Variants in VTA1 observed in about 807,000 individuals in gnomAD.
VTA1 encodes vesicle trafficking 1, also known as vacuolar protein sorting-associated protein VTA1 homolog.
A neutral mutation model predicts 36.9 loss-of-function variants in VTA1; 24 were observed. The ratio of observed to expected loss-of-function variants is 0.65; its 90% CI spans 0.47 to 0.91. The LOEUF (loss-of-function observed/expected upper bound fraction) is 0.91, where lower values mean the gene tolerates loss of function less well. Ranked by LOEUF, VTA1 falls within the 40% of genes least tolerant of loss-of-function variation. VTA1 has a pLI of 0.00. For synonymous variants in VTA1, 142 were observed against 130.2 expected, an observed-to-expected ratio of 1.09 and a Z score of -0.62; for missense variants, 393 against 377.2, an observed-to-expected ratio of 1.04 and a Z score of -0.35.
At chr6:142,161,363 A>G (rs1208012811) in intron 1 of VTA1, among the ~76,000 whole-genome samples, 1 of 152,130 alleles carries the variant, frequency 6.6e-6, no homozygotes, top group South Asian at 2.1e-4. Flanking sequence ...TTGCTTTTAT[A>G]TCTTTTTGCG....
At chr6:142,181,858 G>GA (rs1775247316) in intron 4 of VTA1, among the ~76,000 whole-genome samples, 1 of 152,058 alleles carries the variant, frequency 6.6e-6, no homozygotes, top group Admixed American at 6.6e-5. Context: ...TAGTTGCTTT[G>GA]AAAAATATAA....
chr6:142,202,017 T>G (rs1320537099), intron 6 of VTA1, among the ~76,000 whole-genome samples: 3 of 151,924 alleles, frequency 2.0e-5, no homozygotes, highest in Non-Finnish European at 4.4e-5. Context: ...GATTGGACCA[T>G]TAGAGTATAG....
chr6:142,210,892 G>A (rs1256183116), intron 7 of VTA1, among the ~76,000 whole-genome samples: 2 of 151,698 alleles, frequency 1.3e-5, no homozygotes, highest in African/African-American at 2.4e-5. Context: ...CACTATTCAC[G>A]GTAGCCAAAA....
chr6:142,178,355 G>C (rs532067503), intron 4 of VTA1, among the ~76,000 whole-genome samples: 1 of 152,204 alleles, frequency 6.6e-6, no homozygotes, highest in African/African-American at 2.4e-5. Context: ...TCTATATACA[G>C]CAAAGCTGTG....
intron 5 of VTA1, among the ~76,000 whole-genome samples, chr6:142,195,821 T>G (rs977508018): frequency 6.6e-6 from 1 of 152,032 alleles, no homozygotes; most frequent in African/African-American, 2.4e-5. Context: ...TTCTTTAATT[T>G]CAGAATGTTT....
intron 4 of VTA1, among the ~76,000 whole-genome samples, chr6:142,174,208 G>A (rs1165878344): frequency 6.6e-6 from 1 of 152,174 alleles, no homozygotes; most frequent in African/African-American, 2.4e-5. Context: ...ACCTGTGGGA[G>A]CAGCCACAGG....
chr6:142,203,989 A>G lies in VTA1; in HGVS notation c.702A>G (p.Val234=). 1 of 1,613,250 alleles carries G rather than the reference A, an allele frequency of 6.2e-7. No homozygotes were observed. The highest frequency in any genetic ancestry group is 2.2e-5 in the East Asian group (1 of 44,794). ...TTTTGCTTTTCTGATTTGCAGGTGT[A>G]GCAAGTAATACTATCCAACCTACTC... ...TPAEVPHSTG[V]ASNTIQPTPQ... The change falls in exon 7 of 8, where the codon GTA becomes GTG. Residue 234 remains valine, a synonymous_variant. Coordinates refer to ENST00000367630, the MANE Select transcript of VTA1 (RefSeq NM_016485.5).
At chr6:142,156,814 GTTAAT>G (rs1161534464) in intron 1 of VTA1, among the ~76,000 whole-genome samples, 4 of 152,196 alleles carry the variant, frequency 2.6e-5, no homozygotes, top group Non-Finnish European at 5.9e-5. Context: ...AGTAGAAAAT[GTTAAT>G]TTAGTGTAAA....
rs1776112805 is a variant in VTA1 at position 142,221,679 on chromosome 6, G to A, written c.*3036G>A. ...AAAAGAGTATTAACAATAGGCCGGGGGCGGTGGTTCGCACCTGCAATCCCA... is the reference window on the plus strand; with the variant it reads ...AAAAGAGTATTAACAATAGGCCGGGAGCGGTGGTTCGCACCTGCAATCCCA... On this transcript the variant is annotated 3_prime_UTR_variant, in exon 8 of 8. Transcript: ENST00000367630. 6.6e-6 allele frequency: 1 copy of A among 151,688 alleles called. No individual in the cohort carries two copies. 9.4% of individuals were successfully genotyped at this position (151,688 alleles called of 1,614,324 possible). A position where few individuals can be genotyped will look rare whatever the true frequency, so the allele number is the denominator to read the frequency against.
At chr6:142,157,461 T>C (rs1349889226) in intron 1 of VTA1, among the ~76,000 whole-genome samples, 1 of 152,250 alleles carries the variant, frequency 6.6e-6, no homozygotes, top group Non-Finnish European at 1.5e-5. Context: ...TAAGTTTGTT[T>C]TTGTGAACAT....
intron 4 of VTA1, among the ~76,000 whole-genome samples, chr6:142,171,015 T>C (rs1775020460): frequency 6.6e-6 from 1 of 152,238 alleles, no homozygotes; most frequent in Admixed American, 6.5e-5. Context: ...TAGAGTTTGA[T>C]CTTACTAAGT....
intron 4 of VTA1, among the ~76,000 whole-genome samples, chr6:142,183,185 C>G (rs1447553288): frequency 1.3e-5 from 2 of 152,158 alleles, no homozygotes; most frequent in Non-Finnish European, 2.9e-5. Context: ...TAGAAGTAAT[C>G]TGTAACCTTG....
chr6:142,218,759 C>T lies in VTA1; in HGVS notation c.*116C>T, dbSNP rs1776049402. ...GAAGACTTGGTTTTGTTGAATATGA[C>T]AATGAAATCTGTGTGTATCAGATTT... On this transcript the variant is annotated 3_prime_UTR_variant, in exon 8 of 8. Coordinates refer to ENST00000367630, the MANE Select transcript of VTA1 (RefSeq NM_016485.5). 9.1e-6 allele frequency: 11 copies of T among 1,214,280 alleles called. No individual in the cohort carries two copies. Among genetic ancestry groups the T allele is most frequent in the Non-Finnish European group, 1.2e-5 (11 of 902,114 alleles). The allele number at this position is 1,214,280 out of a possible 1,614,324, so 75.2% of individuals were successfully genotyped here.
chr6:142,198,438 G>T lies in VTA1; in HGVS notation c.521-1G>T. 1.2e-6 allele frequency: 2 copies of T among 1,613,734 alleles called. No homozygotes were observed. The highest frequency in any genetic ancestry group is 8.5e-7 in the Non-Finnish European group (1 of 1,179,782). On this transcript the variant is annotated splice_acceptor_variant, in intron 5 of 7. Transcript: ENST00000367630. LOFTEE classifies it high-confidence loss of function. Reference sequence around the variant, plus strand: ...AACATTGTGTATATGTGATCTGATAGATATTGAAGAAAATGAAGATGCTGG... The same window carrying T: ...AACATTGTGTATATGTGATCTGATATATATTGAAGAAAATGAAGATGCTGG...
Position 142,198,469 on chromosome 6 carries a change from C to T in VTA1, c.551C>T (p.Ala184Val), listed in dbSNP as rs1319184468. The part of the protein sequence containing the change: ...DIEENEDAGA[A>V]SLPTQPTQPS... ...GAAGAAAATGAAGATGCTGGAGCAG[C>T]CTCTCTGCCCACTCAGCCAACTCAG... Residue 184 changes from alanine (A) to valine (V), a missense_variant, in exon 6 of 8, where the codon GCC (alanine) becomes GTC (valine). Transcript: ENST00000367630. 2 of 1,613,840 alleles carry T rather than the reference C, an allele frequency of 1.2e-6. No homozygotes were observed. Among genetic ancestry groups the T allele is most frequent in the African/African-American group, 1.3e-5 (1 of 74,918 alleles).
At chr6:142,148,932 T>C (rs1582871794) in intron 1 of VTA1, among the ~76,000 whole-genome samples, 1 of 152,144 alleles carries the variant, frequency 6.6e-6, no homozygotes, top group African/African-American at 2.4e-5. Context: ...TTGGGAGTGA[T>C]GGGATAAGGT....
Position 142,168,869 on chromosome 6 carries a change from C to G in VTA1, c.208-681C>G, listed in dbSNP as rs528401472. 2.6e-5 allele frequency among the ~76,000 whole-genome samples: 4 copies of G among 151,638 alleles called. No individual in the cohort carries two copies. In the East Asian group the frequency reaches 7.8e-4, roughly 29 times the overall value. ...GCAAGCTCCTCCTCCCAGGTTCATG[C>G]CATTCTCCTGCCTCAGCCTCCCGAG... On this transcript the variant is annotated intron_variant, in intron 2 of 7. Coordinates refer to ENST00000367630, the MANE Select transcript of VTA1 (RefSeq NM_016485.5).
chr6:142,147,487 G>GC (rs1041751060), intron 1 of VTA1, 88 bp downstream of exon 1: 2 of 1,315,262 alleles, frequency 1.5e-6, no homozygotes, highest in Non-Finnish European at 2.1e-6. Context: ...GGCATGCCCC[G>GC]CCCCCCTCGC....
intron 5 of VTA1, among the ~76,000 whole-genome samples, chr6:142,193,278 A>G (rs1366693158): frequency 2.6e-5 from 4 of 152,266 alleles, no homozygotes; most frequent in South Asian, 2.1e-4. Context: ...GCCTTACATT[A>G]GAAGTATATG....
Sources: gnomAD v4.1 joint callset for allele counts (sites outside exome capture counted in the v4.1 genomes callset) on GRCh38, gnomAD v4.1.1 for gene constraint, MANE v1.5 for transcripts, NCBI Gene and HGNC (gene_info 2026-07-23, HGNC 2026-07-21) for gene names.